The following SAMSN1 variants were observed in gnomAD, a reference collection of about 807,000 sequenced individuals.
SAMSN1 encodes SAM domain, SH3 domain and nuclear localization signals 1.
A neutral mutation model predicts 42.0 loss-of-function variants in SAMSN1; 31 were observed. The ratio of observed to expected loss-of-function variants is 0.74; its 90% CI spans 0.55 to 1.00. SAMSN1 has a LOEUF of 1.00. Among genes scored for constraint, SAMSN1 ranks in the 50% least tolerant of loss-of-function variants. The pLI is 0.00. For missense variants in SAMSN1, 464 were observed against 439.4 expected, an observed-to-expected ratio of 1.06 and a Z score of -0.50; for synonymous variants, 178 against 151.9, an observed-to-expected ratio of 1.17 and a Z score of -1.26.
intron 1 of SAMSN1, 25 bp downstream of exon 1, chr21:14,546,180 T>G: frequency 6.3e-7 from 1 of 1,580,596 alleles, no homozygotes; most frequent in Non-Finnish European, 8.7e-7. Context: ...TTGATTTTAT[T>G]TAACTATGTA....
chr21:14,557,531 GCT>G (rs1980802448), intron 2 of SAMSN1, among the ~76,000 whole-genome samples: 1 of 152,118 alleles, frequency 6.6e-6, no homozygotes, highest in African/African-American at 2.4e-5. Flanking sequence ...ACACATCATT[GCT>G]CTTTTTACCT....
At chr21:14,586,200 T>A (rs1263990969), upstream of SAMSN1, among the ~76,000 whole-genome samples, 1 of 140,698 alleles carries the variant, frequency 7.1e-6, no homozygotes, top group Non-Finnish European at 1.5e-5. Context: ...GAGGCAGAGA[T>A]TGCAGTGAGC....
chr21:14,612,865 G>A (rs1484395415), intron 4 of SAMSN1: 6 of 705,818 alleles, frequency 8.5e-6, no homozygotes, highest in Non-Finnish European at 1.6e-5. Context: ...GTAACCTTAG[G>A]AATCACTAAC....
intron 1 of SAMSN1, among the ~76,000 whole-genome samples, chr21:14,530,339 A>AAGAAAAAATC (rs1555833469): frequency 2.8e-5 from 4 of 141,132 alleles, no homozygotes; most frequent in South Asian, 2.2e-4. Context: ...AAAAAAAAGA[A>AAGAAAAAATC]AGAAATAATC....
intron 2 of SAMSN1, among the ~76,000 whole-genome samples, chr21:14,627,181 A>G (rs528006162): frequency 5.9e-4 from 89 of 152,120 alleles, no homozygotes; most frequent in Non-Finnish European, 1.1e-3. Flanking sequence ...AATGTAAATG[A>G]TGAGTTAATG....
intron 1 of SAMSN1, among the ~76,000 whole-genome samples, chr21:14,534,667 C>T (rs1225146420): frequency 6.6e-6 from 1 of 152,052 alleles, no homozygotes; most frequent in Non-Finnish European, 1.5e-5. Context: ...AGGTGCCCGC[C>T]ACCAGAAGGA....
chr21:14,609,396 A>G (rs764119812), intron 5 of SAMSN1: 8 of 701,234 alleles, frequency 1.1e-5, no homozygotes, highest in Non-Finnish European at 1.9e-5. Flanking sequence ...GCTTATTTTC[A>G]TGGTGGAAGA....
At chr21:14,577,255 TATATATATATATATATATATATATATA>T (rs1366420844) in intron 2 of SAMSN1, among the ~76,000 whole-genome samples, 3 of 40,010 alleles carry the variant, frequency 7.5e-5, no homozygotes, top group South Asian at 8.5e-4. Flanking sequence ...TATATATATA[TATATATATATATATATATATATATATA>T]TATTTTTTTT....
chr21:14,595,375 T>C (rs1490028216), intron 6 of SAMSN1, among the ~76,000 whole-genome samples: 1 of 152,138 alleles, frequency 6.6e-6, no homozygotes, highest in Non-Finnish European at 1.5e-5. Flanking sequence ...AATCTGCTGG[T>C]GCCTTGTCTT....
chr21:14,658,832 C>G (rs1311014560), upstream of SAMSN1: 4 of 713,700 alleles, frequency 5.6e-6, no homozygotes, highest in Non-Finnish European at 7.8e-6. Flanking sequence ...TCTTGTAGCT[C>G]TCTCTTGCCT....
intron 4 of SAMSN1, among the ~76,000 whole-genome samples, chr21:14,610,574 A>G (rs1249474982): frequency 6.6e-6 from 1 of 151,720 alleles, no homozygotes; most frequent in Non-Finnish European, 1.5e-5. Context: ...ATTGCTAATA[A>G]AAACCTGCTG....
At chr21:14,532,754 A>C (rs1436318169) in intron 1 of SAMSN1, among the ~76,000 whole-genome samples, 1 of 152,256 alleles carries the variant, frequency 6.6e-6, no homozygotes, top group African/African-American at 2.4e-5. Context: ...GATAGTCATA[A>C]TCTTAAAGTA....
At chr21:14,574,716 T>C (rs1374392532) in intron 2 of SAMSN1, among the ~76,000 whole-genome samples, 1 of 152,144 alleles carries the variant, frequency 6.6e-6, no homozygotes, top group African/African-American at 2.4e-5. Flanking sequence ...CATTTTCTCA[T>C]TTTATCTTTA....
At chr21:14,605,809 T>TTTATTTA (rs1425247499) in intron 5 of SAMSN1, among the ~76,000 whole-genome samples, 1 of 125,584 alleles carries the variant, frequency 8.0e-6, no homozygotes, top group African/African-American at 2.9e-5. Context: ...GTAAAGAAGA[T>TTTATTTA]TTATTTATTT....
At chr21:14,557,789 G>A (rs887478327) in intron 2 of SAMSN1, among the ~76,000 whole-genome samples, 4 of 152,128 alleles carry the variant, frequency 2.6e-5, no homozygotes, top group African/African-American at 7.2e-5. Flanking sequence ...ATCTGGTCAC[G>A]CTGATCTCTC....
intron 2 of SAMSN1, among the ~76,000 whole-genome samples, chr21:14,631,495 G>T (rs1452776284): frequency 2.0e-5 from 3 of 152,124 alleles, no homozygotes. Flanking sequence ...AGCCTTCCGA[G>T]TAGCTGGGAT....
intron 2 of SAMSN1, among the ~76,000 whole-genome samples, chr21:14,617,573 A>G (rs528034947): frequency 1.3e-5 from 2 of 152,300 alleles, no homozygotes; most frequent in East Asian, 3.9e-4. Flanking sequence ...ATATGTCTCA[A>G]TAGTCAAAAT....
intron 7 of SAMSN1, chr21:14,496,167 T>G (rs1176396526): frequency 6.6e-6 from 1 of 152,190 alleles, no homozygotes; most frequent in Non-Finnish European, 1.5e-5. Context: ...CCTTTTACCT[T>G]CTGATATAGA....
In SAMSN1 at chr21:14,512,515, G is replaced by T; in HGVS notation, c.338C>A (p.Thr113Asn). The T allele has an allele frequency of 1.2e-6, 2 of 1,613,776 alleles. No homozygotes were observed. The highest frequency in any genetic ancestry group is 1.1e-5 in the South Asian group (1 of 91,078). Residue 113 changes from threonine (T) to asparagine (N), a missense_variant, in exon 4 of 8, where the codon ACC (threonine) becomes AAC (asparagine). Coordinates refer to ENST00000400566, the MANE Select transcript of SAMSN1 (RefSeq NM_022136.5). ...TTTGAGGGACACCTTCTCTGTGTGG[G>T]TCCCAATCACAGGGTCACTGTTTCT... ...PYRNSDPVIGTHTEKVSLKAS... is the reference protein window; with the variant it reads ...PYRNSDPVIGNHTEKVSLKAS...
Sources: allele counts gnomAD v4.1 joint callset (sites outside exome capture counted in the v4.1 genomes callset), GRCh38; gene constraint gnomAD v4.1.1; transcripts MANE v1.5; gene names NCBI Gene and HGNC (gene_info 2026-07-23, HGNC 2026-07-21).